PC: variants seen among roughly 807,000 people sequenced by gnomAD.
PC encodes pyruvate carboxylase, mitochondrial.
In PC, 46 loss-of-function variants were observed where a neutral mutation model predicts 107.8. The ratio of observed to expected loss-of-function variants is 0.43; its 90% confidence interval spans 0.34 to 0.55. The LOEUF (loss-of-function observed/expected upper bound fraction) is 0.55. Among genes scored for constraint, PC ranks in the 20% least tolerant of loss-of-function variants. The pLI is 0.04. For synonymous variants in PC, 662 were observed against 684.7 expected, an observed-to-expected ratio of 0.97 and a Z score of 0.52; for missense variants, 1,241 against 1,643.1, an observed-to-expected ratio of 0.76 and a Z score of 4.23.
chr11:66,935,868 C>T (rs928496196), intron 3 of PC, among the ~76,000 whole-genome samples: 1 of 152,000 alleles, frequency 6.6e-6, no homozygotes, highest in African/African-American at 2.4e-5. Flanking sequence ...GCAGGAGGAT[C>T]GCTTGAGCTC....
At position 66,860,173 on chromosome 11, in the gene PC, G is replaced by A. The variant is rs371444219; in HGVS notation, c.1368+3601C>T. ...CGGGGGGTAGGAGGCAGCGCCGAGC[G>A]GCTGGAAGAGAGTGTGGTGTGATGG... On this transcript the variant is annotated intron_variant, in intron 12 of 22. Coordinates refer to ENST00000393960, the MANE Select transcript of PC (RefSeq NM_001040716.2). 1.7e-5 allele frequency: 26 copies of A among 1,546,262 alleles called. No individual in the cohort carries two copies. Among genetic ancestry groups the A allele is most frequent in the Middle Eastern group, 1.7e-4 (1 of 6,012 alleles).
At chr11:66,885,685 C>T (rs953886124) in intron 3 of PC, among the ~76,000 whole-genome samples, 2 of 152,154 alleles carry the variant, frequency 1.3e-5, no homozygotes, top group Non-Finnish European at 2.9e-5. Context: ...AGCTACAAGT[C>T]AGGCAAGGCC....
In PC at chr11:66,954,655, T is replaced by C. The variant is rs576001599; in HGVS notation, c.-227-219A>G. Among the ~76,000 whole-genome samples, 11 of 152,326 alleles carry C rather than the reference T, an allele frequency of 7.2e-5. No homozygotes were observed. In the East Asian group the frequency reaches 1.9e-3, roughly 27 times the overall value. Reference sequence around the variant, plus strand: ...CCATGCTCATCCTCAATGAAAATGTTGACCAGAGGCCGGGTGCAGTGGCTC... The same window carrying C: ...CCATGCTCATCCTCAATGAAAATGTCGACCAGAGGCCGGGTGCAGTGGCTC... On this transcript the variant is annotated intron_variant, in intron 1 of 22. Transcript: ENST00000393960.
intron 2 of PC, among the ~76,000 whole-genome samples, chr11:66,952,874 C>T (rs980219267): frequency 6.6e-6 from 1 of 152,192 alleles, no homozygotes; most frequent in Admixed American, 6.5e-5. Context: ...ACTGAGGGCA[C>T]CAGGAGGGTA....
chr11:66,902,139 G>A (rs1277856568), intron 3 of PC, among the ~76,000 whole-genome samples: 6 of 152,184 alleles, frequency 3.9e-5, no homozygotes, highest in Non-Finnish European at 7.3e-5. Flanking sequence ...ACCCAGGCAG[G>A]ACATGGCCTT....
chr11:66,891,738 A>T (rs1185491236), intron 3 of PC, among the ~76,000 whole-genome samples: 1 of 152,218 alleles, frequency 6.6e-6, no homozygotes, highest in African/African-American at 2.4e-5. Flanking sequence ...GTCTCAAGGT[A>T]GTTATCCTAA....
At chr11:66,918,894 C>T (rs976546297) in intron 3 of PC, among the ~76,000 whole-genome samples, 7 of 152,070 alleles carry the variant, frequency 4.6e-5, no homozygotes, top group Non-Finnish European at 1.0e-4. Flanking sequence ...ACATTCAGAA[C>T]TTCTCCCTGG....
At position 66,858,892 on chromosome 11, in the gene PC, G is replaced by A. The variant is rs748403576; in HGVS notation, c.1368+4882C>T. The A allele has an allele frequency of 4.5e-6, 7 of 1,557,592 alleles. No homozygotes were observed. Among genetic ancestry groups the A allele is most frequent in the Admixed American group, 1.9e-5 (1 of 52,950 alleles). ...GGGAACAGCAGTGCCGAGGGGGGCC[G>A]CCCCGGGCCCTCGGACATCGCCGCC... is the stretch of plus-strand genomic sequence containing the variant. On this transcript the variant is annotated intron_variant, in intron 12 of 22. Transcript: ENST00000393960. The surrounding 1 kb of genome is among the most constrained non-coding windows in gnomAD (Gnocchi z 5.9).
At chr11:66,860,629 C>T (rs1946206306) in intron 12 of PC, 1 of 701,678 alleles carries the variant, frequency 1.4e-6, no homozygotes, top group Non-Finnish European at 2.6e-6. Flanking sequence ...ACAGGGGCGG[C>T]CCAGGGCTGC....
At chr11:66,933,679 CACCTCCTTCCCATTGCA>C (rs1948920939) in intron 3 of PC, among the ~76,000 whole-genome samples, 1 of 151,980 alleles carries the variant, frequency 6.6e-6, no homozygotes, top group African/African-American at 2.4e-5. Flanking sequence ...TTATATTTGC[CACCTCCTTCCCATTGCA>C]ACCACTTCCC....
intron 3 of PC, among the ~76,000 whole-genome samples, chr11:66,926,764 T>C (rs1046843099): frequency 7.7e-6 from 1 of 129,976 alleles, no homozygotes; most frequent in African/African-American, 2.8e-5. Context: ...CTGCTTTCCA[T>C]CTCTATGGCC....
chr11:66,880,558 G>A (rs1024563493), intron 3 of PC, among the ~76,000 whole-genome samples: 2 of 152,164 alleles, frequency 1.3e-5, no homozygotes, highest in Admixed American at 6.5e-5. Flanking sequence ...TGACACTCCC[G>A]GTCCTCAGGC....
chr11:66,850,055 C>T lies in PC; in HGVS notation c.2780G>A (p.Ser927Asn), dbSNP rs1339631161. The change falls in exon 20 of 23, where the codon AGC becomes AAC. Residue 927 changes from serine (S) to asparagine (N), a missense_variant. This residue lies in a region of PC where 1,143 missense variants were observed against 1,551.9 expected (regional missense o/e 0.74). Coordinates refer to ENST00000393960, the MANE Select transcript of PC (RefSeq NM_001040716.2). ...CGCCTGAGCTTCGGCCTCTGCCCGG[C>T]TCAATCCATTCTGCACCATAAACTG... ...LAQFMVQNGLSRAEAEAQAEE... is the reference protein window; with the variant it reads ...LAQFMVQNGLNRAEAEAQAEE... 3 of 1,613,700 alleles carry T rather than the reference C, an allele frequency of 1.9e-6. No homozygotes were observed. Among genetic ancestry groups the T allele is most frequent in the East Asian group, 2.2e-5 (1 of 44,890 alleles).
At chr11:66,909,964 A>G (rs1397176224) in intron 3 of PC, among the ~76,000 whole-genome samples, 2 of 152,216 alleles carry the variant, frequency 1.3e-5, no homozygotes, top group Admixed American at 1.3e-4. Context: ...AGAGCAACAC[A>G]GCATGATCCA....
chr11:66,895,597 A>G (rs1422573642), intron 3 of PC, among the ~76,000 whole-genome samples: 1 of 152,220 alleles, frequency 6.6e-6, no homozygotes, highest in Non-Finnish European at 1.5e-5. Flanking sequence ...GGAGCAAAAA[A>G]GCTCTTGGAA....
At chr11:66,910,259 C>T (rs186444174) in intron 3 of PC, among the ~76,000 whole-genome samples, 15 of 152,198 alleles carry the variant, frequency 9.9e-5, no homozygotes, top group Admixed American at 8.5e-4. Flanking sequence ...GAGAACGAGT[C>T]GCTCTGTGCT....
At chr11:66,849,912 T>G in intron 20 of PC, 25 bp downstream of exon 20, 1 of 1,613,486 alleles carries the variant, frequency 6.2e-7, no homozygotes, top group Non-Finnish European at 8.5e-7. Flanking sequence ...GCCCCCACCC[T>G]CACACCATGC....
chr11:66,956,572 C>T (rs977698018), intron 1 of PC, among the ~76,000 whole-genome samples: 5 of 152,020 alleles, frequency 3.3e-5, no homozygotes, highest in Admixed American at 6.6e-5. Context: ...GCGACAAGAG[C>T]GAAACTCCAT....
intron 3 of PC, among the ~76,000 whole-genome samples, chr11:66,880,202 C>G (rs185132285): frequency 1.4e-4 from 21 of 152,316 alleles, no homozygotes; most frequent in Admixed American, 7.8e-4. Flanking sequence ...GAATCAACAT[C>G]GGCTGGGAGA....
Sources: allele counts gnomAD v4.1 joint callset (sites outside exome capture counted in the v4.1 genomes callset), GRCh38; gene constraint gnomAD v4.1.1; regional missense constraint gnomAD v4.1.1; non-coding constraint Gnocchi (gnomAD v3.1); transcripts MANE v1.5; gene names NCBI Gene and HGNC (gene_info 2026-07-23, HGNC 2026-07-21).